The following MINDY2 variants were observed in gnomAD, a reference collection of about 807,000 sequenced individuals.
MINDY2 encodes ubiquitin carboxyl-terminal hydrolase MINDY-2.
Under a neutral mutation model 68.2 loss-of-function variants are expected in MINDY2, and 52 were observed. That is an observed-to-expected ratio of 0.76 (90% CI 0.61 to 0.96). The LOEUF (loss-of-function observed/expected upper bound fraction) is 0.96, where lower values mean the gene tolerates loss of function less well. Among genes scored for constraint, MINDY2 ranks in the 40% least tolerant of loss-of-function variants. The pLI, the probability that MINDY2 is intolerant of heterozygous loss-of-function variation, is 0.00. For missense variants in MINDY2, 881 were observed against 773.4 expected (o/e 1.14, Z -1.65); for synonymous variants, 372 against 303.0 (o/e 1.23, Z -2.36).
At chr15:58,819,712 T>C (rs1402133663) in intron 4 of MINDY2, among the ~76,000 whole-genome samples, 2 of 152,196 alleles carry the variant, frequency 1.3e-5, no homozygotes, top group African/African-American at 2.4e-5. Context: ...AAAGACTTAC[T>C]GAAGTTGAGT....
chr15:58,846,910 G>T (rs1222238337), intron 6 of MINDY2, among the ~76,000 whole-genome samples: 1 of 152,044 alleles, frequency 6.6e-6, no homozygotes, highest in Non-Finnish European at 1.5e-5. Flanking sequence ...TAGTCATGTA[G>T]GCTTAATTGG....
At chr15:58,782,937 T>TTTTTTTTTTTTA (rs1901254029) in intron 1 of MINDY2, among the ~76,000 whole-genome samples, 1 of 135,084 alleles carries the variant, frequency 7.4e-6, no homozygotes. Flanking sequence ...TTTTTTTTTT[T>TTTTTTTTTTTTA]GAGACAGAGT....
At chr15:58,804,583 G>T (rs781000300) in intron 3 of MINDY2, among the ~76,000 whole-genome samples, 3 of 152,094 alleles carry the variant, frequency 2.0e-5, no homozygotes, top group African/African-American at 4.8e-5. Context: ...CAAAGCAGGC[G>T]GATTGCTTGA....
chr15:58,773,688 C>G (rs1400160242), intron 1 of MINDY2, among the ~76,000 whole-genome samples: 1 of 145,304 alleles, frequency 6.9e-6, no homozygotes, highest in Non-Finnish European at 1.5e-5. Flanking sequence ...TTGAACCAAT[C>G]TTTTTTTTTT....
intron 6 of MINDY2, among the ~76,000 whole-genome samples, chr15:58,836,189 C>G (rs569039170): frequency 6.6e-6 from 1 of 151,822 alleles, no homozygotes; most frequent in South Asian, 2.1e-4. Context: ...GGATTACAGG[C>G]GTGAGCGACC....
intron 6 of MINDY2, among the ~76,000 whole-genome samples, chr15:58,832,471 G>A (rs1310312401): frequency 3.3e-5 from 5 of 150,456 alleles, no homozygotes; most frequent in African/African-American, 9.8e-5. Context: ...TCAGGTGATC[G>A]CCCGCCTCAG....
intron 2 of MINDY2, among the ~76,000 whole-genome samples, chr15:58,800,064 G>A (rs922516819): frequency 2.6e-5 from 4 of 152,190 alleles, no homozygotes; most frequent in African/African-American, 7.2e-5. Context: ...CGAGGTCAAT[G>A]TTGAAGCATT....
rs1219320514 is a variant in MINDY2 at position 58,771,341 on chromosome 15, C to T, written c.-55C>T. ...TACAGCTGTCATGGCGTCCAAGGCG[C>T]TGGCTGCGGAGAAGTGGCCGCGGTC... On this transcript the variant is annotated 5_prime_UTR_variant, in exon 1 of 9. Transcript: ENST00000559228. 2 of 1,555,686 alleles carry T rather than the reference C, an allele frequency of 1.3e-6. No homozygotes were observed. Among genetic ancestry groups the T allele is most frequent in the African/African-American group, 1.4e-5 (1 of 73,474 alleles).
At chr15:58,815,900 G>T (rs1328761360) in intron 4 of MINDY2, among the ~76,000 whole-genome samples, 1 of 151,578 alleles carries the variant, frequency 6.6e-6, no homozygotes, top group Admixed American at 6.6e-5. Flanking sequence ...GGATGGTCTC[G>T]ATCTCTTGAC....
At chr15:58,775,579 T>TCCCCCTC (rs1460777943) in intron 1 of MINDY2, among the ~76,000 whole-genome samples, 4 of 152,144 alleles carry the variant, frequency 2.6e-5, no homozygotes, top group African/African-American at 9.7e-5. Context: ...GAGTTCTTTG[T>TCCCCCTC]CCCCCTCTTT....
Position 58,831,762 on chromosome 15 carries a change from T to C in MINDY2, c.1226-12T>C, listed in dbSNP as rs1744455843. 6.2e-7 allele frequency: 1 copy of C among 1,601,840 alleles called. No individual in the cohort carries two copies. Among genetic ancestry groups the C allele is most frequent in the Non-Finnish European group, 8.5e-7 (1 of 1,176,090 alleles). On this transcript the variant is annotated splice_polypyrimidine_tract_variant and intron_variant, in intron 5 of 8. Coordinates refer to ENST00000559228, the MANE Select transcript of MINDY2 (RefSeq NM_001040450.3). Reference sequence around the variant, plus strand: ...TTATTCTTCTATCTAATGTTATGCATTGGTTCTATAGGCTTTGTAGCTGAG... The same window carrying C: ...TTATTCTTCTATCTAATGTTATGCACTGGTTCTATAGGCTTTGTAGCTGAG...
At chr15:58,846,921 A>G (rs1398796452) in intron 6 of MINDY2, among the ~76,000 whole-genome samples, 2 of 151,014 alleles carry the variant, frequency 1.3e-5, no homozygotes, top group Non-Finnish European at 3.0e-5. Flanking sequence ...GCTTAATTGG[A>G]AAAAAAAACA....
At position 58,860,811 on chromosome 15, in the gene MINDY2, C is replaced by G. The variant is rs957767985; in HGVS notation, c.*6201C>G. ...TGTCTTGTATGTCTCTCAATTTTGT[C>G]AGAATTTTTATTATTGTTTTTCACA... On this transcript the variant is annotated 3_prime_UTR_variant, in exon 9 of 9. Transcript: ENST00000559228. 1.3e-5 allele frequency: 2 copies of G among 152,074 alleles called. No homozygotes were observed. Among genetic ancestry groups the G allele is most frequent in the African/African-American group, 4.8e-5 (2 of 41,404 alleles). The allele number at this position is 152,074 out of a possible 1,614,324, so 9.4% of individuals were successfully genotyped here. A position where few individuals can be genotyped will look rare whatever the true frequency, so the allele number is the denominator to read the frequency against.
At chr15:58,811,359 G>A (rs768154542) in intron 4 of MINDY2, among the ~76,000 whole-genome samples, 1 of 152,170 alleles carries the variant, frequency 6.6e-6, no homozygotes, top group Non-Finnish European at 1.5e-5. Context: ...CTTGTTAAGC[G>A]TATCAGGGTC....
At chr15:58,817,337 C>T (rs1382296153) in intron 4 of MINDY2, among the ~76,000 whole-genome samples, 1 of 152,112 alleles carries the variant, frequency 6.6e-6, no homozygotes, top group Non-Finnish European at 1.5e-5. Flanking sequence ...ATCCAAATGG[C>T]CAATGAACAT....
chr15:58,846,595 CA>C (rs11335033), intron 6 of MINDY2, among the ~76,000 whole-genome samples: 7,955 of 98,224 alleles, frequency 0.081, 224 homozygotes, highest in African/African-American at 0.14. Context: ...TGAGACTCCT[CA>C]AAAAAAAAAA....
chr15:58,774,437 T>A lies in MINDY2; in HGVS notation c.840+2202T>A, dbSNP rs1444569490. 5.9e-5 allele frequency among the ~76,000 whole-genome samples: 8 copies of A among 136,540 alleles called. No individual in the cohort carries two copies. The Admixed American group carries it at 6.6e-4, about 11-fold the overall frequency. 89.6% of individuals were successfully genotyped at this position (136,540 alleles called of 152,430 possible). On this transcript the variant is annotated intron_variant, in intron 1 of 8. Transcript: ENST00000559228. Reference sequence around the variant, plus strand: ...AGGTGGAGGTTGCGGTTAGCCGAGATCACGCCACTGCACTCCAGCCTGGGC... The same window carrying A: ...AGGTGGAGGTTGCGGTTAGCCGAGAACACGCCACTGCACTCCAGCCTGGGC...
intron 2 of MINDY2, among the ~76,000 whole-genome samples, chr15:58,794,355 TGG>T: frequency 9.9e-6 from 1 of 100,612 alleles, no homozygotes; most frequent in East Asian, 2.6e-4. Context: ...AAGTTTTTTT[TGG>T]GGTGTGTGTG....
Position 58,821,797 on chromosome 15 carries a change from C to CAA in MINDY2, c.1204_1205dup (p.Asn402LysfsTer11), listed in dbSNP as rs1567061515. On this transcript the variant is annotated frameshift_variant, in exon 5 of 9. Transcript: ENST00000559228. LOFTEE classifies it high-confidence loss of function. ...AGATCATCTCTTGTAAACAGTCAGA[C>CAA]AATAGTGAGCTGGTTAGTGAAGGTG... The CAA allele has an allele frequency of 6.3e-7, 1 of 1,589,470 alleles. No individual in the cohort carries two copies. The highest frequency in any genetic ancestry group is 1.2e-5 in the South Asian group (1 of 85,654).
Sources: gnomAD v4.1 joint callset for allele counts (sites outside exome capture counted in the v4.1 genomes callset) on GRCh38, gnomAD v4.1.1 for gene constraint, MANE v1.5 for transcripts, NCBI Gene and HGNC (gene_info 2026-07-23, HGNC 2026-07-21) for gene names.